The following FGF1 variants were observed in gnomAD, a reference collection of about 807,000 sequenced individuals.
FGF1 encodes fibroblast growth factor 1, also known as beta-endothelial cell growth factor.
FGF1 carries 9 observed loss-of-function variants against 13.4 expected under a neutral mutation model. That is an observed-to-expected ratio of 0.67 (90% confidence interval 0.40 to 1.17). The LOEUF is 1.17. FGF1 is among the 50% of genes most tolerant of loss of function. The probability of loss-of-function intolerance (pLI) is 0.01; values close to 1 mark genes in which losing one functional copy is unlikely to be tolerated. For synonymous variants in FGF1, 93 were observed against 79.0 expected (o/e 1.18, Z -0.94); for missense variants, 156 against 192.7 (o/e 0.81, Z 1.13).
intron 1 of FGF1, among the ~76,000 whole-genome samples, chr5:142,646,978 A>G (rs1766272231): frequency 6.6e-6 from 1 of 152,194 alleles, no homozygotes; most frequent in Non-Finnish European, 1.5e-5. Context: ...TAAGGTCATA[A>G]AACGATCAGG....
At chr5:142,689,731 G>C (rs755509810), upstream of FGF1, among the ~76,000 whole-genome samples, 7 of 125,964 alleles carry the variant, frequency 5.6e-5, no homozygotes, top group East Asian at 1.5e-3. Context: ...CAAGAGTCTC[G>C]CTCTGTCGCC....
chr5:142,659,122 G>A (rs143812135), intron 1 of FGF1, among the ~76,000 whole-genome samples: 2,341 of 151,760 alleles, frequency 0.015, 66 homozygotes, highest in African/African-American at 0.052. Flanking sequence ...TTCCATGGTC[G>A]CCATCCTTGT....
At chr5:142,661,886 T>C (rs1472349696) in intron 1 of FGF1, among the ~76,000 whole-genome samples, 2 of 151,938 alleles carry the variant, frequency 1.3e-5, no homozygotes, top group Non-Finnish European at 1.5e-5. Flanking sequence ...GCCTGTAGTC[T>C]CAGCTACTTG....
chr5:142,623,251 C>G (rs1761939284), intron 1 of FGF1, among the ~76,000 whole-genome samples: 1 of 152,174 alleles, frequency 6.6e-6, no homozygotes, highest in African/African-American at 2.4e-5. Flanking sequence ...ATAACAGTAG[C>G]TACTGAACAG....
intron 2 of FGF1, among the ~76,000 whole-genome samples, chr5:142,606,439 AC>A (rs1757712647): frequency 6.6e-6 from 1 of 150,622 alleles, no homozygotes; most frequent in African/African-American, 2.4e-5. Flanking sequence ...ACAGGGTGAA[AC>A]CCCGTCTCTA....
intron 1 of FGF1, among the ~76,000 whole-genome samples, chr5:142,673,233 C>A (rs958661867): frequency 2.0e-5 from 3 of 152,174 alleles, no homozygotes; most frequent in African/African-American, 7.2e-5. Flanking sequence ...AAGGCAAATT[C>A]TATCAGAGTT....
chr5:142,597,483 G>T (rs1462126077), intron 3 of FGF1, among the ~76,000 whole-genome samples: 1 of 152,196 alleles, frequency 6.6e-6, no homozygotes, highest in Non-Finnish European at 1.5e-5. Context: ...AAAAAATCCA[G>T]CAACCACTAT....
chr5:142,643,227 G>T (rs1317818069), intron 1 of FGF1, among the ~76,000 whole-genome samples: 5 of 151,786 alleles, frequency 3.3e-5, no homozygotes, highest in Admixed American at 3.3e-4. Context: ...AACAATTATC[G>T]AAGATATAAA....
chr5:142,696,833 T>C (rs1197515528), intron 2 of FGF1, among the ~76,000 whole-genome samples: 1 of 152,238 alleles, frequency 6.6e-6, no homozygotes, highest in Non-Finnish European at 1.5e-5. Flanking sequence ...ACCAGAATTT[T>C]GTTGGTTGCT....
At chr5:142,607,364 T>C (rs1757916117) in intron 2 of FGF1, among the ~76,000 whole-genome samples, 1 of 151,888 alleles carries the variant, frequency 6.6e-6, no homozygotes, top group African/African-American at 2.4e-5. Context: ...GATCTAGGAG[T>C]TGCTATCTAT....
chr5:142,596,624 C>T (rs1755328262), intron 3 of FGF1, among the ~76,000 whole-genome samples: 1 of 150,330 alleles, frequency 6.7e-6, no homozygotes, highest in Admixed American at 6.6e-5. Context: ...GTGTGCCTGT[C>T]CTCCTAGCTA....
At chr5:142,598,960 G>A (rs1755876840) in intron 3 of FGF1, among the ~76,000 whole-genome samples, 1 of 152,210 alleles carries the variant, frequency 6.6e-6, no homozygotes, top group Non-Finnish European at 1.5e-5. Context: ...CTAAGACACA[G>A]TGAGGGTGAG....
rs985889146 is a variant in FGF1, at chr5:142,592,628, T to C, written c.*2662A>G. 14 of 394,234 alleles carry C rather than the reference T, an allele frequency of 3.6e-5. No homozygotes were observed. Among genetic ancestry groups the C allele is most frequent in the African/African-American group, 2.7e-4 (13 of 48,490 alleles). 24.4% of individuals were successfully genotyped at this position (394,234 alleles called of 1,614,324 possible). ...TGGGAATGTCCCCAGGTTAATAAAC[T>C]AGAGCATGTTCAAAACAGAGCAGGG... On this transcript the variant is annotated 3_prime_UTR_variant, in exon 4 of 4. Transcript: ENST00000337706.
intron 1 of FGF1, chr5:142,679,888 G>C (rs1773395249): frequency 6.6e-6 from 1 of 152,250 alleles, no homozygotes. Flanking sequence ...AGGCTGGGTG[G>C]CTGAAACAAC....
chr5:142,608,041 A>G (rs906840561), intron 2 of FGF1, among the ~76,000 whole-genome samples: 1 of 152,218 alleles, frequency 6.6e-6, no homozygotes, highest in African/African-American at 2.4e-5. Context: ...AAAAAAGGAA[A>G]AAGGGTTATG....
chr5:142,678,394 T>A (rs1773053649), intron 1 of FGF1, among the ~76,000 whole-genome samples: 1 of 152,192 alleles, frequency 6.6e-6, no homozygotes, highest in African/African-American at 2.4e-5. Context: ...TCCCCAGTGA[T>A]GGATGTGTTT....
At chr5:142,616,178 A>G (rs1227543268) in intron 1 of FGF1, among the ~76,000 whole-genome samples, 1 of 152,204 alleles carries the variant, frequency 6.6e-6, no homozygotes, top group Non-Finnish European at 1.5e-5. Context: ...ACCAATTACA[A>G]TAATTTGTCC....
chr5:142,595,305 T>A lies in FGF1; in HGVS notation c.453A>T (p.Pro151=). 6.2e-7 allele frequency: 1 copy of A among 1,613,876 alleles called. No homozygotes were observed. The highest frequency in any genetic ancestry group is 1.1e-5 in the South Asian group (1 of 91,034). Residue 151 remains proline, a synonymous_variant, in exon 4 of 4, where the codon CCA becomes CCT. Transcript: ENST00000337706. ...ACAGATCTCTTTAATCAGAAGAGAC[T>A]GGCAGGGGGAGAAACAAGATTGCTT... The part of the protein sequence containing the change: ...GQKAILFLPL[P]VSSD
intron 2 of FGF1, among the ~76,000 whole-genome samples, chr5:142,607,750 C>G (rs957491559): frequency 6.6e-6 from 1 of 152,136 alleles, no homozygotes; most frequent in African/African-American, 2.4e-5. Flanking sequence ...GTCAATGAAA[C>G]TGAAATGTGC....
Sources: allele counts gnomAD v4.1 joint callset (sites outside exome capture counted in the v4.1 genomes callset), GRCh38; gene constraint gnomAD v4.1.1; transcripts MANE v1.5; gene names NCBI Gene and HGNC (gene_info 2026-07-23, HGNC 2026-07-21).